The following LAMA2 variants were observed in gnomAD, a reference collection of about 807,000 sequenced individuals.
The protein encoded by LAMA2 is laminin subunit alpha 2.
A neutral mutation model predicts 364.8 loss-of-function variants in LAMA2; 269 were observed. The observed-to-expected ratio is 0.74, with a 90% confidence interval of 0.67 to 0.82. LAMA2 has a LOEUF of 0.82. Among genes scored for constraint, LAMA2 ranks in the 40% least tolerant of loss-of-function variants. LAMA2 has a pLI of 0.00. For missense variants in LAMA2, 3,807 were observed against 3,873.2 expected (o/e 0.98, Z 0.45); for synonymous variants, 1,379 against 1,370.6 (o/e 1.01, Z -0.14).
chr6:129,023,555 G>T (rs948166025), intron 1 of LAMA2, among the ~76,000 whole-genome samples: 1 of 152,112 alleles, frequency 6.6e-6, no homozygotes. Flanking sequence ...CAGCAAAGAC[G>T]CCTGGGAGCT....
At chr6:129,320,924 T>C (rs941388208) in intron 28 of LAMA2, among the ~76,000 whole-genome samples, 3 of 152,242 alleles carry the variant, frequency 2.0e-5, no homozygotes, top group African/African-American at 7.2e-5. Context: ...CTATTTATTA[T>C]AGCTGATCTA....
chr6:129,449,050 G>C (rs9372929), intron 45 of LAMA2, among the ~76,000 whole-genome samples: 23,331 of 152,112 alleles, frequency 0.15, 1,909 homozygotes, highest in East Asian at 0.21. Flanking sequence ...AATCAAAACA[G>C]AAAGTATTCA....
At chr6:128,896,740 T>A (rs1018041969) in intron 1 of LAMA2, among the ~76,000 whole-genome samples, 1 of 152,228 alleles carries the variant, frequency 6.6e-6, no homozygotes, top group African/African-American at 2.4e-5. Flanking sequence ...AAATTTTATC[T>A]TTATTTATTT....
At chr6:129,137,081 G>T (rs1777839375) in intron 4 of LAMA2, among the ~76,000 whole-genome samples, 1 of 152,100 alleles carries the variant, frequency 6.6e-6, no homozygotes, top group South Asian at 2.1e-4. Context: ...AGTCATATTT[G>T]TTGAACAGTT....
Position 129,066,038 on chromosome 6 carries a change from G to GTATGTCT in LAMA2, c.396+6143_396+6144insATGTCTT, listed in dbSNP as rs59543848. On this transcript the variant is annotated intron_variant, in intron 3 of 64. Coordinates refer to ENST00000421865, the MANE Select transcript of LAMA2 (RefSeq NM_000426.4). The stretch of plus-strand genomic sequence containing the variant: ...TCTTTTGTAAATTGCCCAGTCTCAG[G>GTATGTCT]TTTTTTTTTTTTTTTTTTTTTTTTT... 4.5e-3 allele frequency among the ~76,000 whole-genome samples: 166 copies of GTATGTCT among 37,102 alleles called. 29 individuals carry two copies. The highest frequency in any genetic ancestry group is 0.012 in the African/African-American group (140 of 11,698). The allele number at this position is 37,102 out of a possible 152,430, so 24.3% of individuals were successfully genotyped here. A position where few individuals can be genotyped will look rare whatever the true frequency, so the allele number is the denominator to read the frequency against.
chr6:129,173,361 T>C (rs1363438609), intron 9 of LAMA2, among the ~76,000 whole-genome samples: 2 of 152,212 alleles, frequency 1.3e-5, no homozygotes, highest in African/African-American at 4.8e-5. Flanking sequence ...ACATTTTTAT[T>C]ATGTGTTTCT....
At chr6:129,148,246 CACAGGAACAGAAAACCAA>C (rs1375702629) in intron 6 of LAMA2, among the ~76,000 whole-genome samples, 1 of 152,058 alleles carries the variant, frequency 6.6e-6, no homozygotes, top group Non-Finnish European at 1.5e-5. Flanking sequence ...AGGAAACTAA[CACAGGAACAGAAAACCAA>C]ACACTATATG....
chr6:129,091,773 A>G (rs912517774), intron 3 of LAMA2, among the ~76,000 whole-genome samples: 1 of 152,276 alleles, frequency 6.6e-6, no homozygotes, highest in South Asian at 2.1e-4. Flanking sequence ...AAACTCACAC[A>G]GAAAATAATA....
chr6:129,032,815 T>C (rs897698212), intron 1 of LAMA2, among the ~76,000 whole-genome samples: 11 of 152,154 alleles, frequency 7.2e-5, no homozygotes, highest in African/African-American at 2.7e-4. Context: ...TAGCATAATA[T>C]GAAATGATGC....
At chr6:129,329,884 A>G (rs1775529405) in intron 29 of LAMA2, among the ~76,000 whole-genome samples, 1 of 152,120 alleles carries the variant, frequency 6.6e-6, no homozygotes, top group African/African-American at 2.4e-5. Context: ...CTTCATTAGC[A>G]TTTACAGCTG....
chr6:129,067,054 A>T (rs908985996), intron 3 of LAMA2, among the ~76,000 whole-genome samples: 2 of 152,228 alleles, frequency 1.3e-5, no homozygotes, highest in Non-Finnish European at 2.9e-5. Flanking sequence ...AACACAATAA[A>T]ACATAGACAA....
At chr6:128,940,102 AT>A (rs34466115) in intron 1 of LAMA2, among the ~76,000 whole-genome samples, 19,449 of 151,580 alleles carry the variant, frequency 0.13, 1,568 homozygotes, top group African/African-American at 0.23. Context: ...TTCATAATGG[AT>A]TTTTTTTTGT....
intron 1 of LAMA2, among the ~76,000 whole-genome samples, chr6:128,958,900 A>T (rs1381778990): frequency 6.6e-6 from 1 of 152,172 alleles, no homozygotes. Flanking sequence ...TAATTTAAAC[A>T]TTTTAGACAT....
At chr6:129,314,129 G>A (rs993129757) in intron 23 of LAMA2, among the ~76,000 whole-genome samples, 1 of 152,082 alleles carries the variant, frequency 6.6e-6, no homozygotes, top group Admixed American at 6.5e-5. Flanking sequence ...GGCCGGGCGT[G>A]GTGGCTCACG....
At position 129,391,670 on chromosome 6, in the gene LAMA2, T is replaced by C. The variant is rs770812273; in HGVS notation, c.5234+17T>C. The C allele has an allele frequency of 2.5e-6, 4 of 1,606,504 alleles. No individual in the cohort carries two copies. The highest frequency in any genetic ancestry group is 1.3e-5 in the African/African-American group (1 of 74,778). ...TGAGTTGGTGTGAGTAGATGAGTTA[T>C]TATTTTTTCTTTTGACAAACTGAGA... is the stretch of plus-strand genomic sequence containing the variant. On this transcript the variant is annotated intron_variant, in intron 36 of 64. Coordinates refer to ENST00000421865, the MANE Select transcript of LAMA2 (RefSeq NM_000426.4).
chr6:129,283,477 A>G (rs1788876510), intron 18 of LAMA2, among the ~76,000 whole-genome samples: 1 of 151,940 alleles, frequency 6.6e-6, no homozygotes, highest in African/African-American at 2.4e-5. Flanking sequence ...ATGAAACTTA[A>G]TGGGATACAT....
chr6:129,081,409 TA>T (rs1562221719), intron 3 of LAMA2, among the ~76,000 whole-genome samples: 2 of 151,952 alleles, frequency 1.3e-5, no homozygotes, highest in African/African-American at 2.4e-5. Flanking sequence ...AAAAGAAACT[TA>T]AAAAAAATGA....
chr6:129,180,587 G>A (rs2115019968), intron 10 of LAMA2, among the ~76,000 whole-genome samples: 1 of 152,180 alleles, frequency 6.6e-6, no homozygotes, highest in South Asian at 2.1e-4. Flanking sequence ...ACTGCTCTGT[G>A]ATGAGCCCAT....
intron 3 of LAMA2, among the ~76,000 whole-genome samples, chr6:129,095,676 T>A (rs1332512822): frequency 2.0e-5 from 3 of 150,102 alleles, no homozygotes; most frequent in African/African-American, 7.4e-5. Flanking sequence ...TTTGTGAGGC[T>A]GAGGCAAGTG....
Sources: gnomAD v4.1 joint callset for allele counts (sites outside exome capture counted in the v4.1 genomes callset) on GRCh38, gnomAD v4.1.1 for gene constraint, MANE v1.5 for transcripts, NCBI Gene and HGNC (gene_info 2026-07-23, HGNC 2026-07-21) for gene names.